NUDCD2: variants seen among roughly 807,000 people sequenced by gnomAD.
NUDCD2 encodes the protein nudC domain-containing protein 2.
In NUDCD2, 16 loss-of-function variants were observed where a neutral mutation model predicts 20.8. That is an observed-to-expected ratio of 0.77 (90% CI 0.52 to 1.17). NUDCD2 has a LOEUF of 1.17. NUDCD2 is among the 50% of genes most tolerant of loss of function. The probability of loss-of-function intolerance (pLI) is 0.00; values close to 1 mark genes in which losing one functional copy is unlikely to be tolerated. For missense variants in NUDCD2, 199 were observed against 193.9 expected, an observed-to-expected ratio of 1.03 and a Z score of -0.16; for synonymous variants, 87 against 72.8, an observed-to-expected ratio of 1.20 and a Z score of -1.00.
chr5:163,451,047 T>G lies in NUDCD2; in HGVS notation c.*2920A>C, dbSNP rs1758163984. The G allele has an allele frequency of 6.6e-6, 1 of 152,192 alleles. No individual in the cohort carries two copies. The highest frequency in any genetic ancestry group is 1.9e-4 in the East Asian group (1 of 5,204). 9.4% of individuals were successfully genotyped at this position (152,192 alleles called of 1,614,324 possible). A position where few individuals can be genotyped will look rare whatever the true frequency, so the allele number is the denominator to read the frequency against. On this transcript the variant is annotated 3_prime_UTR_variant, in exon 4 of 4. Coordinates refer to ENST00000302764, the MANE Select transcript of NUDCD2 (RefSeq NM_145266.6). ...AGGAAGCCAGTAACCAAAGACCACGTATTATGATTCCATGTACATGAAATG... is the reference window on the plus strand; with the variant it reads ...AGGAAGCCAGTAACCAAAGACCACGGATTATGATTCCATGTACATGAAATG...
chr5:163,455,533 GC>G (rs1038484350), intron 3 of NUDCD2, among the ~76,000 whole-genome samples: 8 of 152,200 alleles, frequency 5.3e-5, no homozygotes, highest in Non-Finnish European at 2.9e-5. Context: ...GGAGGCCAAG[GC>G]GGGCGGATCA....
At position 163,459,987 on chromosome 5, in the gene NUDCD2, A is replaced by G; in HGVS notation, c.64T>C (p.Tyr22His). 6.2e-7 allele frequency: 1 copy of G among 1,613,398 alleles called. No homozygotes were observed. The highest frequency in any genetic ancestry group is 8.5e-7 in the Non-Finnish European group (1 of 1,179,758). ...VPCGTPWGQW[Y>H]QTLEEVFIEV... ...ATGAACACCTCCTCCAAGGTCTGGT[A>G]CCACTGGCCCCACGGGGTCCCGCAC... is the stretch of plus-strand genomic sequence containing the variant. The change falls in exon 1 of 4, where the codon TAC (tyrosine) becomes CAC (histidine). Residue 22 changes from tyrosine to histidine, a missense_variant. Transcript: ENST00000302764.
At position 163,452,522 on chromosome 5, in the gene NUDCD2, A is replaced by G. The variant is rs1758203123; in HGVS notation, c.*1445T>C. On this transcript the variant is annotated 3_prime_UTR_variant, in exon 4 of 4. Coordinates refer to ENST00000302764, the MANE Select transcript of NUDCD2 (RefSeq NM_145266.6). Reference sequence around the variant, plus strand: ...ATAGGTTTTTTAACCTGCTGAATAAAATAGAAAATAATGAGTTTATAGAGA... The same window carrying G: ...ATAGGTTTTTTAACCTGCTGAATAAGATAGAAAATAATGAGTTTATAGAGA... 6.6e-6 allele frequency: 1 copy of G among 152,122 alleles called. No homozygotes were observed. Among genetic ancestry groups the G allele is most frequent in the Non-Finnish European group, 1.5e-5 (1 of 67,980 alleles). 9.4% of individuals were successfully genotyped at this position (152,122 alleles called of 1,614,324 possible).
intron 1 of NUDCD2, chr5:163,459,630 A>T: frequency 2.7e-6 from 1 of 373,350 alleles, no homozygotes. Flanking sequence ...AAGCAGAAGC[A>T]GCAGTCTTAG....
intron 1 of NUDCD2, chr5:163,458,945 A>AAT (rs1468888575): frequency 6.6e-6 from 1 of 152,198 alleles, no homozygotes; most frequent in South Asian, 2.1e-4. Flanking sequence ...CATATACTGT[A>AAT]ATATATATAA....
chr5:163,459,104 G>A (rs1222542671), intron 1 of NUDCD2: 1 of 152,204 alleles, frequency 6.6e-6, no homozygotes, highest in African/African-American at 2.4e-5. Context: ...AAGATATAGA[G>A]ACACTGAACA....
chr5:163,459,327 C>G (rs1325437498), intron 1 of NUDCD2: 1 of 152,192 alleles, frequency 6.6e-6, no homozygotes, highest in Non-Finnish European at 1.5e-5. Flanking sequence ...ATGCACACAC[C>G]TCTTCACCAC....
In NUDCD2 at chr5:163,457,090, AAAC is replaced by A. The variant is rs1329509565; in HGVS notation, c.239-13_239-11del. On this transcript the variant is annotated splice_polypyrimidine_tract_variant and intron_variant, in intron 2 of 3. Transcript: ENST00000302764. The stretch of plus-strand genomic sequence containing the variant: ...ACCATTTTTCTGTCCTCTAAAAAAA[AAAC>A]ACACACACACACACGCACAAATAAA... 1.5e-5 allele frequency: 24 copies of A among 1,586,236 alleles called. No individual in the cohort carries two copies. The highest frequency in any genetic ancestry group is 7.4e-5 in the Admixed American group (4 of 53,888).
At position 163,447,929 on chromosome 5, in the gene NUDCD2, A is replaced by G. The variant is rs528519630; in HGVS notation, c.*6038T>C. The G allele has an allele frequency of 2.0e-5, 3 of 152,116 alleles. No individual in the cohort carries two copies. The highest frequency in any genetic ancestry group is 4.8e-5 in the African/African-American group (2 of 41,384). 9.4% of individuals were successfully genotyped at this position (152,116 alleles called of 1,614,324 possible). ...TGCAGCCATGCTGGTGCTGCAATTT[A>G]TAACAATCGACTGCTTTTTACTAAA... On this transcript the variant is annotated 3_prime_UTR_variant, in exon 4 of 4. Coordinates refer to ENST00000302764, the MANE Select transcript of NUDCD2 (RefSeq NM_145266.6).
chr5:163,455,668 G>A (rs1758286789), intron 3 of NUDCD2, among the ~76,000 whole-genome samples: 3 of 151,696 alleles, frequency 2.0e-5, no homozygotes, highest in Admixed American at 1.3e-4. Context: ...GGAGGCTGAG[G>A]CAGGAGACTG....
In NUDCD2 at chr5:163,452,544, G is replaced by C. The variant is rs1173775936; in HGVS notation, c.*1423C>G. On this transcript the variant is annotated 3_prime_UTR_variant, in exon 4 of 4. Transcript: ENST00000302764. The stretch of plus-strand genomic sequence containing the variant: ...TAAAATAGAAAATAATGAGTTTATA[G>C]AGATACGATAAATTTAAAGTCTGAT... 6.6e-6 allele frequency: 1 copy of C among 152,112 alleles called. No homozygotes were observed. Among genetic ancestry groups the C allele is most frequent in the African/African-American group, 2.4e-5 (1 of 41,432 alleles). The allele number at this position is 152,112 out of a possible 1,614,324, so 9.4% of individuals were successfully genotyped here.
chr5:163,459,276 G>C (rs1758409026), intron 1 of NUDCD2: 1 of 152,166 alleles, frequency 6.6e-6, no homozygotes, highest in African/African-American at 2.4e-5. Context: ...CAGATCCAAA[G>C]AGCATTGGTG....
At position 163,448,863 on chromosome 5, in the gene NUDCD2, G is replaced by A. The variant is rs1758106968; in HGVS notation, c.*5104C>T. On this transcript the variant is annotated 3_prime_UTR_variant, in exon 4 of 4. Coordinates refer to ENST00000302764, the MANE Select transcript of NUDCD2 (RefSeq NM_145266.6). ...TTTTAACAGTCTAAACAAAAAGAATGACCAAACTGATACAGAAAGAGCATA... is the reference window on the plus strand; with the variant it reads ...TTTTAACAGTCTAAACAAAAAGAATAACCAAACTGATACAGAAAGAGCATA... The A allele has an allele frequency of 6.6e-6, 1 of 152,112 alleles. No homozygotes were observed. The highest frequency in any genetic ancestry group is 6.6e-5 in the Admixed American group (1 of 15,264). The allele number at this position is 152,112 out of a possible 1,614,324, so 9.4% of individuals were successfully genotyped here.
At chr5:163,458,052 G>A (rs1758371511) in intron 1 of NUDCD2, among the ~76,000 whole-genome samples, 1 of 125,824 alleles carries the variant, frequency 7.9e-6, no homozygotes, top group African/African-American at 3.1e-5. Context: ...GGCACGATCT[G>A]GCTCACTGCA....
chr5:163,450,321 A>G lies in NUDCD2; in HGVS notation c.*3646T>C, dbSNP rs1389728247. 2 of 152,196 alleles carry G rather than the reference A, an allele frequency of 1.3e-5. No individual in the cohort carries two copies. The highest frequency in any genetic ancestry group is 4.8e-5 in the African/African-American group (2 of 41,460). The allele number at this position is 152,196 out of a possible 1,614,324, so 9.4% of individuals were successfully genotyped here. ...GGTTAAGGTTCCTAGACATGACACC[A>G]AAAACATGATCCACCAATGGCATGA... On this transcript the variant is annotated 3_prime_UTR_variant, in exon 4 of 4. Coordinates refer to ENST00000302764, the MANE Select transcript of NUDCD2 (RefSeq NM_145266.6).
At chr5:163,454,964 T>C (rs1158466921) in intron 3 of NUDCD2, among the ~76,000 whole-genome samples, 1 of 152,196 alleles carries the variant, frequency 6.6e-6, no homozygotes, top group Non-Finnish European at 1.5e-5. Context: ...AGTAAATATG[T>C]TAGGCTTTGC....
At position 163,448,876 on chromosome 5, in the gene NUDCD2, C is replaced by T. The variant is rs748820412; in HGVS notation, c.*5091G>A. 2 of 152,102 alleles carry T rather than the reference C, an allele frequency of 1.3e-5. No homozygotes were observed. Among genetic ancestry groups the T allele is most frequent in the African/African-American group, 4.8e-5 (2 of 41,426 alleles). 9.4% of individuals were successfully genotyped at this position (152,102 alleles called of 1,614,324 possible). A position where few individuals can be genotyped will look rare whatever the true frequency, so the allele number is the denominator to read the frequency against. On this transcript the variant is annotated 3_prime_UTR_variant, in exon 4 of 4. Coordinates refer to ENST00000302764, the MANE Select transcript of NUDCD2 (RefSeq NM_145266.6). ...AACAAAAAGAATGACCAAACTGATA[C>T]AGAAAGAGCATAGAAAATTCAGCAT...
chr5:163,460,022 C>G lies in NUDCD2; in HGVS notation c.29G>C (p.Gly10Ala). 6.2e-7 allele frequency: 1 copy of G among 1,601,184 alleles called. No homozygotes were observed. ...CCACGGGGTCCCGCACGGTACCACC[C>G]CACTCCGCTCCTCAAACGGGGCCGA... Reference protein sequence around the residue: MSAPFEERSGVVPCGTPWGQ... With the variant: MSAPFEERSAVVPCGTPWGQ... Residue 10 changes from glycine (G) to alanine (A), a missense_variant, in exon 1 of 4, where the codon GGG becomes GCG. By Grantham distance (60) the Gly-to-Ala change is moderately conservative. Transcript: ENST00000302764.
Position 163,447,187 on chromosome 5 carries a change from C to G in NUDCD2, c.*6780G>C, listed in dbSNP as rs1758057654. On this transcript the variant is annotated 3_prime_UTR_variant, in exon 4 of 4. Transcript: ENST00000302764. ...AAGAGACCAGGTACAGAGACTCATT[C>G]ATTCCTGTAATTCCAATGCTTTGGG... 1 of 152,602 alleles carries G rather than the reference C, an allele frequency of 6.6e-6. No homozygotes were observed. The highest frequency in any genetic ancestry group is 2.4e-5 in the African/African-American group (1 of 41,546). 9.5% of individuals were successfully genotyped at this position (152,602 alleles called of 1,614,324 possible).
Sources: gnomAD v4.1 joint callset for allele counts (sites outside exome capture counted in the v4.1 genomes callset) on GRCh38, gnomAD v4.1.1 for gene constraint, MANE v1.5 for transcripts, NCBI Gene and HGNC (gene_info 2026-07-23, HGNC 2026-07-21) for gene names.